Variants in SLC9D1 observed in about 807,000 individuals in gnomAD.
SLC9D1 encodes putative LAG1-interacting protein.
At chr13:113,502,321 C>T in the SLC9D1 span, among the ~76,000 whole-genome samples, 1 of 152,172 alleles carries the variant, frequency 6.6e-6, no homozygotes, top group Non-Finnish European at 1.5e-5. Flanking sequence ...TCACATGATT[C>T]TCCTGCTTCA....
chr13:113,494,670 A>T, the SLC9D1 span, among the ~76,000 whole-genome samples: 1,038 of 152,074 alleles, frequency 6.8e-3, 12 homozygotes, highest in African/African-American at 0.022. Flanking sequence ...ATATATATAT[A>T]TTTTTAATTC....
chr13:113,529,005 C>G, the SLC9D1 span: 2 of 152,198 alleles, frequency 1.3e-5, no homozygotes, highest in Admixed American at 6.5e-5. Context: ...CCATACGAAA[C>G]AAGCAGAGCC....
At chr13:113,502,581 G>T in the SLC9D1 span, among the ~76,000 whole-genome samples, 1 of 152,182 alleles carries the variant, frequency 6.6e-6, no homozygotes. Flanking sequence ...CGAGGCAGTG[G>T]GCAGTGGGGC....
At chr13:113,491,210 C>A in the SLC9D1 span, 2 of 152,320 alleles carry the variant, frequency 1.3e-5, no homozygotes, top group East Asian at 3.9e-4. Flanking sequence ...GCCTCAGAGC[C>A]CGGCCCAGGC....
chr13:113,494,850 G>A, the SLC9D1 span, among the ~76,000 whole-genome samples: 1 of 151,868 alleles, frequency 6.6e-6, no homozygotes, highest in African/African-American at 2.4e-5. Context: ...GGAAGTTGAT[G>A]GTATTTTCTG....
the SLC9D1 span, among the ~76,000 whole-genome samples, chr13:113,493,448 C>A: frequency 2.0e-3 from 300 of 152,200 alleles, 2 homozygotes; most frequent in Middle Eastern, 6.8e-3. Flanking sequence ...TTGGACCAAC[C>A]GAGAGAAGCT....
the SLC9D1 span, among the ~76,000 whole-genome samples, chr13:113,540,545 G>A: frequency 3.9e-5 from 6 of 152,346 alleles, no homozygotes; most frequent in East Asian, 1.2e-3. Flanking sequence ...TGTCTTTTGA[G>A]AAGGGTCTGT....
chr13:113,549,854 T>C, the SLC9D1 span: 1 of 575,946 alleles, frequency 1.7e-6, no homozygotes, highest in African/African-American at 1.9e-5. Context: ...TTTTCTATTG[T>C]GAGTTCATCA....
chr13:113,503,478 T>G, the SLC9D1 span: 37 of 1,581,866 alleles, frequency 2.3e-5, no homozygotes, highest in Non-Finnish European at 2.9e-5. Context: ...TATATGGTTT[T>G]TCTTTTGTGT....
chr13:113,534,660 G>C, the SLC9D1 span: 1 of 199,956 alleles, frequency 5.0e-6, no homozygotes. Context: ...GCGTGGTCGC[G>C]CTCATGTATA....
the SLC9D1 span, chr13:113,500,007 C>G: frequency 6.3e-7 from 1 of 1,577,640 alleles, no homozygotes; most frequent in East Asian, 2.3e-5. Context: ...GAAGAAGAGG[C>G]CAATTCTAAG....
At chr13:113,549,171 G>A in the SLC9D1 span, among the ~76,000 whole-genome samples, 10 of 152,152 alleles carry the variant, frequency 6.6e-5, no homozygotes, top group African/African-American at 1.9e-4. Flanking sequence ...GTACTTCCAT[G>A]TGCTTTAAAG....
the SLC9D1 span, among the ~76,000 whole-genome samples, chr13:113,520,085 C>G: frequency 6.6e-6 from 1 of 152,160 alleles, no homozygotes; most frequent in Non-Finnish European, 1.5e-5. Context: ...ATATAAATAA[C>G]AAGTAAGTCG....
chr13:113,548,459 G>A, the SLC9D1 span: 3 of 1,600,664 alleles, frequency 1.9e-6, no homozygotes, highest in Non-Finnish European at 2.6e-6. Flanking sequence ...GGAGGTGAGT[G>A]GCTTCCCCCC....
At chr13:113,509,041 ACACTGCCTGTGTATGTTGGGGCTGGTG>A in the SLC9D1 span, among the ~76,000 whole-genome samples, 1 of 88,056 alleles carries the variant, frequency 1.1e-5, no homozygotes, top group African/African-American at 5.0e-5. Flanking sequence ...GGGTCCCCTG[ACACTGCCTGTGTATGTTGGGGCTGGTG>A]GGCTTGGCGG....
chr13:113,498,846 G>A, the SLC9D1 span, among the ~76,000 whole-genome samples: 1 of 152,148 alleles, frequency 6.6e-6, no homozygotes, highest in Non-Finnish European at 1.5e-5. Context: ...ATCTACTGGG[G>A]TGTTACCAGA....
At chr13:113,535,473 A>G in the SLC9D1 span, among the ~76,000 whole-genome samples, 4 of 152,202 alleles carry the variant, frequency 2.6e-5, no homozygotes, top group African/African-American at 9.6e-5. The surrounding 1 kb of genome is among the most constrained non-coding windows in gnomAD (Gnocchi z 4.1). Flanking sequence ...TCCCAGAGAA[A>G]TGAAGCCGTG....
chr13:113,539,441 G>A, the SLC9D1 span: 55 of 1,613,646 alleles, frequency 3.4e-5, no homozygotes, highest in South Asian at 4.3e-4. This position sits in a 1 kb window ranked among gnomAD's most constrained non-coding sequence, Gnocchi z 4.8. Flanking sequence ...CGTGGTCACC[G>A]AGGAGATCGC....
the SLC9D1 span, among the ~76,000 whole-genome samples, chr13:113,546,914 C>T: frequency 2.6e-5 from 4 of 152,186 alleles, no homozygotes; most frequent in Admixed American, 2.0e-4. This position sits in a 1 kb window ranked among gnomAD's most constrained non-coding sequence, Gnocchi z 7.1. Flanking sequence ...GTCCTGTGAG[C>T]GTGGCACTCC....
Sources: allele counts gnomAD v4.1 joint callset (sites outside exome capture counted in the v4.1 genomes callset), GRCh38; gene constraint gnomAD v4.1.1; non-coding constraint Gnocchi (gnomAD v3.1); transcripts MANE v1.5; gene names NCBI Gene and HGNC (gene_info 2026-07-23, HGNC 2026-07-21).